The following SDK1 variants were observed in gnomAD, a reference collection of about 807,000 sequenced individuals.
SDK1 encodes sidekick cell adhesion molecule 1, also known as protein sidekick-1.
A neutral mutation model predicts 245.5 loss-of-function variants in SDK1; 157 were observed. That is an observed-to-expected ratio of 0.64 (90% CI 0.56 to 0.73). SDK1 has a LOEUF of 0.73. SDK1 is among the 30% of genes least tolerant of loss of function. The pLI is 0.00. For synonymous variants in SDK1, 1,647 were observed against 1,278.5 expected, an observed-to-expected ratio of 1.29 and a Z score of -6.15; for missense variants, 3,583 against 3,002.3, an observed-to-expected ratio of 1.19 and a Z score of -4.52.
chr7:3,519,472 A>G (rs1445890152), intron 1 of SDK1, among the ~76,000 whole-genome samples: 2 of 152,158 alleles, frequency 1.3e-5, no homozygotes, highest in Non-Finnish European at 2.9e-5. Context: ...GATTTGTTGT[A>G]TGAAATAAGA....
At chr7:3,528,965 G>A (rs571371088) in intron 1 of SDK1, among the ~76,000 whole-genome samples, 2 of 152,216 alleles carry the variant, frequency 1.3e-5, no homozygotes, top group East Asian at 1.9e-4. Flanking sequence ...GGGTTTAAAG[G>A]GGCACTGGGA....
chr7:3,415,063 T>G (rs149160696), intron 1 of SDK1, among the ~76,000 whole-genome samples: 20 of 152,328 alleles, frequency 1.3e-4, no homozygotes, highest in Admixed American at 6.5e-4. Flanking sequence ...TGGACACATT[T>G]TCTTTCTTTT....
Position 4,205,829 on chromosome 7 carries a change from C to A in SDK1, c.5099-50C>A, listed in dbSNP as rs1428415388. 6.9e-6 allele frequency: 10 copies of A among 1,443,016 alleles called. No individual in the cohort carries two copies. The East Asian group carries it at 1.2e-4, about 18-fold the overall frequency. 89.4% of individuals were successfully genotyped at this position (1,443,016 alleles called of 1,614,324 possible). A position where few individuals can be genotyped will look rare whatever the true frequency, so the allele number is the denominator to read the frequency against. On this transcript the variant is annotated intron_variant, in intron 35 of 44. Transcript: ENST00000404826. ...ATGGGCATGTGGGCGAGGGTCCGGG[C>A]CGGCTCTGAATGAACGTCTCAGCTT...
At chr7:3,820,661 T>C (rs1281592535) in intron 4 of SDK1, among the ~76,000 whole-genome samples, 1 of 152,250 alleles carries the variant, frequency 6.6e-6, no homozygotes, top group Non-Finnish European at 1.5e-5. Flanking sequence ...AGTATTAATC[T>C]GCCTGTGAAA....
chr7:4,053,623 G>A (rs1779021653), intron 19 of SDK1, among the ~76,000 whole-genome samples: 1 of 151,950 alleles, frequency 6.6e-6, no homozygotes, highest in Non-Finnish European at 1.5e-5. Context: ...AACGCCTTAT[G>A]TTCTCCTTGA....
intron 5 of SDK1, among the ~76,000 whole-genome samples, chr7:3,945,271 T>C (rs1282602355): frequency 6.6e-6 from 1 of 152,178 alleles, no homozygotes; most frequent in Non-Finnish European, 1.5e-5. Flanking sequence ...TAGCGTCCCT[T>C]CGGAATAATA....
At chr7:4,095,802 G>C (rs1166436899) in intron 22 of SDK1, among the ~76,000 whole-genome samples, 3 of 152,168 alleles carry the variant, frequency 2.0e-5, no homozygotes, top group Non-Finnish European at 2.9e-5. Flanking sequence ...TCGAACTTTT[G>C]ACCTCAGGTG....
Position 3,740,518 on chromosome 7 carries a change from C to T in SDK1, c.714-80932C>T, listed in dbSNP as rs1772002873. Among the ~76,000 whole-genome samples the T allele has an allele frequency of 2.6e-5, 4 of 152,236 alleles. No homozygotes were observed. The South Asian group carries it at 6.2e-4, about 24-fold the overall frequency. ...AGGTCAGATTTAGGTCAGATACAGGCAAGCCTAAGAATGGAGCTTTTGAAG... is the reference window on the plus strand; with the variant it reads ...AGGTCAGATTTAGGTCAGATACAGGTAAGCCTAAGAATGGAGCTTTTGAAG... On this transcript the variant is annotated intron_variant, in intron 4 of 44. Transcript: ENST00000404826.
intron 5 of SDK1, among the ~76,000 whole-genome samples, chr7:3,827,216 G>C (rs1031016292): frequency 6.6e-6 from 1 of 152,168 alleles, no homozygotes; most frequent in Non-Finnish European, 1.5e-5. Flanking sequence ...GCAGTCACTG[G>C]TCTGAGTATC....
intron 4 of SDK1, among the ~76,000 whole-genome samples, chr7:3,678,206 C>G (rs573836242): frequency 1.3e-5 from 2 of 152,136 alleles, no homozygotes; most frequent in Non-Finnish European, 2.9e-5. Context: ...GTTTAGCCAC[C>G]GTGGAAGACC....
chr7:4,209,664 A>C (rs962183553), intron 37 of SDK1, among the ~76,000 whole-genome samples: 1 of 152,170 alleles, frequency 6.6e-6, no homozygotes, highest in Non-Finnish European at 1.5e-5. Context: ...CTCTCCGGCA[A>C]AGAGCAGGAC....
At chr7:3,597,974 T>C (rs945833255) in intron 1 of SDK1, among the ~76,000 whole-genome samples, 1 of 152,224 alleles carries the variant, frequency 6.6e-6, no homozygotes, top group South Asian at 2.1e-4. Flanking sequence ...AACTTCTGGA[T>C]CATTGTGTAG....
intron 40 of SDK1, among the ~76,000 whole-genome samples, chr7:4,226,306 G>C (rs1785442257): frequency 6.6e-6 from 1 of 152,162 alleles, no homozygotes; most frequent in Admixed American, 6.5e-5. Context: ...TCTGGCCCAC[G>C]TGGTCGGCTC....
At chr7:3,883,764 G>A (rs189271129) in intron 5 of SDK1, among the ~76,000 whole-genome samples, 1 of 131,896 alleles carries the variant, frequency 7.6e-6, no homozygotes, top group Admixed American at 8.0e-5. Context: ...GGTGGTTCTT[G>A]AATACAGTCC....
intron 1 of SDK1, among the ~76,000 whole-genome samples, chr7:3,419,927 C>T (rs1044548730): frequency 6.6e-6 from 1 of 152,104 alleles, no homozygotes; most frequent in African/African-American, 2.4e-5. Context: ...TTGGAAAATA[C>T]GCAAAGCCGT....
rs115243367 is a variant in SDK1, at chr7:3,472,427, T to G, written c.299-146653T>G. Among the ~76,000 whole-genome samples the G allele has an allele frequency of 3.0e-3, 454 of 152,248 alleles. 2 individuals carry two copies. The highest frequency in any genetic ancestry group is 0.01 in the African/African-American group (435 of 41,546). The stretch of plus-strand genomic sequence containing the variant: ...TTTTCCTGCCTGAAGAGGTTTACGA[T>G]CTAATTAGAGGGACAAGGCTAACTA... On this transcript the variant is annotated intron_variant, in intron 1 of 44. Transcript: ENST00000404826.
intron 35 of SDK1, among the ~76,000 whole-genome samples, chr7:4,188,985 G>T (rs748545647): frequency 6.6e-6 from 1 of 151,958 alleles, no homozygotes; most frequent in African/African-American, 2.4e-5. Flanking sequence ...AGGAGGGCTT[G>T]TCTTATTCCT....
intron 2 of SDK1, among the ~76,000 whole-genome samples, chr7:3,624,454 C>T (rs190562024): frequency 6.6e-6 from 1 of 152,232 alleles, no homozygotes; most frequent in East Asian, 1.9e-4. Flanking sequence ...CAGCCTTGAC[C>T]TCCCAAAGTA....
chr7:3,622,258 A>G (rs1187785439), intron 2 of SDK1, among the ~76,000 whole-genome samples: 1 of 152,164 alleles, frequency 6.6e-6, no homozygotes. Context: ...CAGGCGGATC[A>G]TTTGAGGTCA....
Sources: allele counts gnomAD v4.1 joint callset (sites outside exome capture counted in the v4.1 genomes callset), GRCh38; gene constraint gnomAD v4.1.1; transcripts MANE v1.5; gene names NCBI Gene and HGNC (gene_info 2026-07-23, HGNC 2026-07-21).